The following CNIH3 variants were observed in gnomAD, a reference collection of about 807,000 sequenced individuals.
The protein encoded by CNIH3 is protein cornichon homolog 3.
Under a neutral mutation model 24.1 loss-of-function variants are expected in CNIH3, and 14 were observed. The observed-to-expected ratio is 0.58, with a 90% confidence interval of 0.38 to 0.91. The LOEUF is 0.91. CNIH3 is among the 40% of genes least tolerant of loss of function. CNIH3 has a pLI of 0.00. For missense variants in CNIH3, 178 were observed against 196.8 expected, an observed-to-expected ratio of 0.90 and a Z score of 0.57; for synonymous variants, 68 against 73.8, an observed-to-expected ratio of 0.92 and a Z score of 0.40.
intron 1 of CNIH3, among the ~76,000 whole-genome samples, chr1:224,509,073 AAC>A (rs1173272314): frequency 6.6e-6 from 1 of 152,208 alleles, no homozygotes; most frequent in Non-Finnish European, 1.5e-5. Flanking sequence ...TTGTAATCCC[AAC>A]ACTTTGGGAG....
At chr1:224,686,010 A>G (rs1032227164) in intron 3 of CNIH3, among the ~76,000 whole-genome samples, 2 of 151,834 alleles carry the variant, frequency 1.3e-5, no homozygotes, top group African/African-American at 4.8e-5. Flanking sequence ...AGCCAGTACT[A>G]CTTTTTTTTT....
intron 1 of CNIH3, among the ~76,000 whole-genome samples, chr1:224,659,639 A>G (rs781260463): frequency 3.3e-5 from 5 of 152,230 alleles, no homozygotes; most frequent in Non-Finnish European, 7.3e-5. Flanking sequence ...GGGGAACAGC[A>G]TGAGAAGTTT....
At chr1:224,506,155 T>G (rs958555826) in intron 1 of CNIH3, among the ~76,000 whole-genome samples, 2 of 152,194 alleles carry the variant, frequency 1.3e-5, no homozygotes, top group Non-Finnish European at 2.9e-5. Flanking sequence ...TGAAATTCCT[T>G]TGTAACAAAG....
At chr1:224,510,596 CAAA>C (rs777592587) in intron 1 of CNIH3, among the ~76,000 whole-genome samples, 5 of 93,984 alleles carry the variant, frequency 5.3e-5, no homozygotes, top group East Asian at 3.1e-4. Flanking sequence ...GACCCTGTCT[CAAA>C]AAAAAAAAAC....
chr1:224,484,007 C>T (rs939633159), intron 1 of CNIH3, among the ~76,000 whole-genome samples: 25 of 151,884 alleles, frequency 1.6e-4, no homozygotes, highest in Non-Finnish European at 8.8e-5. Context: ...CCCGTCTCTA[C>T]TAAAAATACA....
At chr1:224,463,770 CTCATTTTTTTTTT>C (rs1367803568) in intron 1 of CNIH3, among the ~76,000 whole-genome samples, 43 of 87,096 alleles carry the variant, frequency 4.9e-4, no homozygotes, top group African/African-American at 2.1e-3. Context: ...ATGAATTGTC[CTCATTTTTTTTTT>C]TTTTTTTTTT....
At chr1:224,725,349 C>G (rs572214189) in intron 3 of CNIH3, among the ~76,000 whole-genome samples, 47 of 152,284 alleles carry the variant, frequency 3.1e-4, no homozygotes, top group African/African-American at 1.1e-3. Flanking sequence ...TGGCATTTTA[C>G]AGATGGGTAA....
upstream of CNIH3, among the ~76,000 whole-genome samples, chr1:224,613,841 A>G (rs977457871): frequency 1.3e-4 from 19 of 151,722 alleles, no homozygotes; most frequent in African/African-American, 4.6e-4. Context: ...CGGTGAGCCA[A>G]TTGAACCTGT....
chr1:224,532,429 C>T (rs903179295), intron 2 of CNIH3, among the ~76,000 whole-genome samples: 9 of 152,102 alleles, frequency 5.9e-5, no homozygotes, highest in Admixed American at 2.0e-4. Flanking sequence ...CTCATAACTG[C>T]GTTAGGAACA....
intron 3 of CNIH3, among the ~76,000 whole-genome samples, chr1:224,597,193 C>A (rs887858185): frequency 2.6e-5 from 4 of 151,624 alleles, no homozygotes; most frequent in East Asian, 1.9e-4. Flanking sequence ...AAACAAAAAC[C>A]AAACCAAACA....
At chr1:224,541,901 A>G (rs879701847), downstream of CNIH3, among the ~76,000 whole-genome samples, 5 of 152,164 alleles carry the variant, frequency 3.3e-5, no homozygotes, top group Non-Finnish European at 5.9e-5. Context: ...ATCACCTCCA[A>G]TGGACTCCAA....
chr1:224,487,137 A>T lies in CNIH3; in HGVS notation n.204-28604A>T, dbSNP rs950284346. On this transcript the variant is annotated intron_variant and non_coding_transcript_variant, in intron 1 of 5. Transcript: ENST00000471578. ...ATTCTCAGCAGCTCATTTCAAGGGG[A>T]TTTACTAAATTTATGATTCCAGGCA... is the stretch of plus-strand genomic sequence containing the variant. Among the ~76,000 whole-genome samples, 13 of 152,226 alleles carry T rather than the reference A, an allele frequency of 8.5e-5. 1 individual carries two copies. Among genetic ancestry groups the T allele is most frequent in the Middle Eastern group, 6.8e-3 (2 of 294 alleles).
At chr1:224,566,735 A>G (rs184188487) in intron 4 of CNIH3, among the ~76,000 whole-genome samples, 214 of 152,304 alleles carry the variant, frequency 1.4e-3, no homozygotes, top group Non-Finnish European at 2.4e-3. Context: ...TCCATGGTGC[A>G]TATGTGCCAC....
chr1:224,696,099 A>C (rs1687165365), intron 3 of CNIH3, among the ~76,000 whole-genome samples: 4 of 152,142 alleles, frequency 2.6e-5, no homozygotes, highest in Admixed American at 2.6e-4. Flanking sequence ...AGGCCTGTCC[A>C]GGCTGGAATG....
intron 1 of CNIH3, among the ~76,000 whole-genome samples, chr1:224,472,106 C>T (rs1676398476): frequency 6.6e-6 from 1 of 152,134 alleles, no homozygotes; most frequent in Admixed American, 6.5e-5. Context: ...ATGTCTGGAT[C>T]ATATGATAGC....
chr1:224,453,820 G>T (rs187114463), intron 1 of CNIH3, among the ~76,000 whole-genome samples: 1 of 152,162 alleles, frequency 6.6e-6, no homozygotes, highest in East Asian at 1.9e-4. Context: ...AGTTTTGAAA[G>T]ATTTTCATAG....
intron 3 of CNIH3, among the ~76,000 whole-genome samples, chr1:224,718,336 T>C (rs779634400): frequency 1.3e-5 from 2 of 152,134 alleles, no homozygotes; most frequent in African/African-American, 4.8e-5. Flanking sequence ...GCTAAGCCTC[T>C]GAGGTGGGAA....
rs957782914 is a variant in CNIH3, at chr1:224,493,886, A to T, written n.204-21855A>T. On this transcript the variant is annotated intron_variant and non_coding_transcript_variant, in intron 1 of 5. Coordinates refer to the CNIH3 transcript ENST00000471578. ...GCAAAGGACAGCCCAGAGTCCCGTC[A>T]TTAACACCACTTTGTGCTTATCACT... 6.9e-4 allele frequency among the ~76,000 whole-genome samples: 105 copies of T among 152,328 alleles called. 1 individual carries two copies. The highest frequency in any genetic ancestry group is 2.4e-3 in the African/African-American group (100 of 41,572).
At chr1:224,664,368 A>AGTTGGACTG (rs1479890339) in intron 1 of CNIH3, among the ~76,000 whole-genome samples, 2 of 152,238 alleles carry the variant, frequency 1.3e-5, no homozygotes, top group Non-Finnish European at 2.9e-5. Flanking sequence ...TTCTATGGGC[A>AGTTGGACTG]GTTGGACTGG....
Sources: allele counts gnomAD v4.1 joint callset (sites outside exome capture counted in the v4.1 genomes callset), GRCh38; gene constraint gnomAD v4.1.1; transcripts MANE v1.5; gene names NCBI Gene and HGNC (gene_info 2026-07-23, HGNC 2026-07-21).